Variants in APCDD1 observed in about 807,000 individuals in gnomAD.
APCDD1 encodes protein APCDD1.
APCDD1 carries 15 observed loss-of-function variants against 38.1 expected under a neutral mutation model. That is an observed-to-expected ratio of 0.39 (90% confidence interval 0.26 to 0.61). The LOEUF (loss-of-function observed/expected upper bound fraction) is 0.61. Ranked by LOEUF, APCDD1 falls within the 20% of genes least tolerant of loss-of-function variation. APCDD1 has a pLI of 0.49. For missense variants in APCDD1, 647 were observed against 696.2 expected (o/e 0.93, Z 0.79); for synonymous variants, 261 against 279.7 (o/e 0.93, Z 0.67).
chr18:10,460,401 C>T (rs897643119), intron 1 of APCDD1, among the ~76,000 whole-genome samples: 103 of 152,082 alleles, frequency 6.8e-4, no homozygotes, highest in African/African-American at 2.3e-3. Flanking sequence ...GGTGTGGTGG[C>T]GCATGCCTGT....
chr18:10,474,948 C>T (rs149048171), intron 3 of APCDD1, among the ~76,000 whole-genome samples: 30 of 152,340 alleles, frequency 2.0e-4, no homozygotes, highest in African/African-American at 3.8e-4. Flanking sequence ...ACTTCAGAAA[C>T]GGTAGCCAAT....
At position 10,462,449 on chromosome 18, in the gene APCDD1, TCCTC is replaced by T. The variant is rs1180789930; in HGVS notation, c.59-6002_59-5999del. On this transcript the variant is annotated intron_variant, in intron 1 of 4. Coordinates refer to ENST00000355285, the MANE Select transcript of APCDD1 (RefSeq NM_153000.5). ...TTTCCCCCTTGCTCCCTCTCTCCTTTCCTCCCTCCCTCCCTCCCTCCTTCCTTCC... is the reference window on the plus strand; with the variant it reads ...TTTCCCCCTTGCTCCCTCTCTCCTTTCCTCCCTCCCTCCCTCCTTCCTTCC... Among the ~76,000 whole-genome samples the T allele has an allele frequency of 2.5e-3, 138 of 55,924 alleles. 30 individuals are homozygous for T. Among genetic ancestry groups the T allele is most frequent in the African/African-American group, 4.0e-3 (44 of 10,934 alleles). 36.7% of individuals were successfully genotyped at this position (55,924 alleles called of 152,430 possible). A position where few individuals can be genotyped will look rare whatever the true frequency, so the allele number is the denominator to read the frequency against.
In APCDD1 at chr18:10,459,316, GCA is replaced by G. The variant is rs56849201; in HGVS notation, c.58+4300_58+4301del. Among the ~76,000 whole-genome samples the G allele has an allele frequency of 6.2e-3, 924 of 150,052 alleles. 2 individuals are homozygous for G. The highest frequency in any genetic ancestry group is 0.016 in the African/African-American group (653 of 40,878). On this transcript the variant is annotated intron_variant, in intron 1 of 4. Transcript: ENST00000355285. ...TCCCTGCTGGGAATCCCACAAGCGT[GCA>G]CACACACACACACACACACACAGAC...
At chr18:10,483,820 T>A (rs569710835) in intron 3 of APCDD1, among the ~76,000 whole-genome samples, 6 of 152,294 alleles carry the variant, frequency 3.9e-5, no homozygotes, top group African/African-American at 1.4e-4. Context: ...CACAGCCTGA[T>A]CCGATCGGCA....
At position 10,485,853 on chromosome 18, in the gene APCDD1, A is replaced by T; in HGVS notation, c.1096+70A>T. 5 of 1,534,090 alleles carry T rather than the reference A, an allele frequency of 3.3e-6. No individual in the cohort carries two copies. Among genetic ancestry groups the T allele is most frequent in the South Asian group, 1.2e-5 (1 of 86,906 alleles). On this transcript the variant is annotated intron_variant, in intron 4 of 4. Coordinates refer to ENST00000355285, the MANE Select transcript of APCDD1 (RefSeq NM_153000.5). The surrounding 1 kb of genome is among the most constrained non-coding windows in gnomAD (Gnocchi z 5.8). The stretch of plus-strand genomic sequence containing the variant: ...CCCTGTGACATTTTTGTGGAGGCAG[A>T]GCTGAGGGAAAGGACCTCTTTTCTG...
chr18:10,479,281 T>C (rs559312834), intron 3 of APCDD1, among the ~76,000 whole-genome samples: 1 of 152,342 alleles, frequency 6.6e-6, no homozygotes, highest in East Asian at 1.9e-4. Context: ...GTTTCCATCA[T>C]CTACTCCCAT....
At position 10,471,824 on chromosome 18, in the gene APCDD1, T is replaced by A. The variant is rs747745113; in HGVS notation, c.537T>A (p.Gly179=). ...GCCCGGGCTTCCTCGCAGACGGGGGTCCCTGGGTGCAGGACGTGGCCTATG... is the reference window on the plus strand; with the variant it reads ...GCCCGGGCTTCCTCGCAGACGGGGGACCCTGGGTGCAGGACGTGGCCTATG... ...RTCPGFLADG[G]PWVQDVAYDL... The change falls in exon 3 of 5, where the codon GGT becomes GGA. Residue 179 remains glycine (G), a synonymous_variant. Coordinates refer to ENST00000355285, the MANE Select transcript of APCDD1 (RefSeq NM_153000.5). This position sits in a 1 kb window ranked among gnomAD's most constrained non-coding sequence, Gnocchi z 5.5. 6.2e-7 allele frequency: 1 copy of A among 1,613,564 alleles called. No homozygotes were observed. The highest frequency in any genetic ancestry group is 1.1e-5 in the South Asian group (1 of 91,050).
At chr18:10,478,238 C>T (rs1007553980) in intron 3 of APCDD1, among the ~76,000 whole-genome samples, 31 of 152,224 alleles carry the variant, frequency 2.0e-4, no homozygotes, top group Non-Finnish European at 1.2e-4. Flanking sequence ...GTAACAGGCC[C>T]GAGGTGGCTG....
chr18:10,475,602 G>A lies in APCDD1; in HGVS notation c.774+3541G>A, dbSNP rs1040764921. ...GACAGAGACTTCACTTTTGGTACCT[G>A]TTGCATTTTGTGCTGTGATCTTCTA... is the stretch of plus-strand genomic sequence containing the variant. On this transcript the variant is annotated intron_variant, in intron 3 of 4. Transcript: ENST00000355285. This position sits in a 1 kb window ranked among gnomAD's most constrained non-coding sequence, Gnocchi z 4.0. Among the ~76,000 whole-genome samples, 1 of 151,680 alleles carries A rather than the reference G, an allele frequency of 6.6e-6. No individual in the cohort carries two copies. The highest frequency in any genetic ancestry group is 1.5e-5 in the Non-Finnish European group (1 of 67,952).
Position 10,454,939 on chromosome 18 carries a change from A to T in APCDD1, c.-43A>T. The stretch of plus-strand genomic sequence containing the variant: ...CGCGCGCCCAGTTGCCCGGGCACCA[A>T]ATCGGAGCGCGGCGTGCGGGAGGCC... On this transcript the variant is annotated 5_prime_UTR_variant, in exon 1 of 5. Transcript: ENST00000355285. 2 of 1,488,438 alleles carry T rather than the reference A, an allele frequency of 1.3e-6. No individual in the cohort carries two copies. The highest frequency in any genetic ancestry group is 1.8e-6 in the Non-Finnish European group (2 of 1,116,186). The allele number at this position is 1,488,438 out of a possible 1,614,324, so 92.2% of individuals were successfully genotyped here. A position where few individuals can be genotyped will look rare whatever the true frequency, so the allele number is the denominator to read the frequency against.
intron 1 of APCDD1, among the ~76,000 whole-genome samples, chr18:10,465,970 A>G (rs1198715908): frequency 2.6e-5 from 4 of 152,196 alleles, no homozygotes; most frequent in African/African-American, 9.6e-5. Context: ...TATTATCTTC[A>G]TGGGAAAATA....
chr18:10,471,859 G>C lies in APCDD1; in HGVS notation c.572G>C (p.Arg191Pro). 1 of 1,614,200 alleles carries C rather than the reference G, an allele frequency of 6.2e-7. No individual in the cohort carries two copies. Among genetic ancestry groups the C allele is most frequent in the Non-Finnish European group, 8.5e-7 (1 of 1,180,056 alleles). The change falls in exon 3 of 5, where the codon CGA becomes CCA. Residue 191 changes from arginine (R) to proline (P), a missense_variant. By Grantham distance (103) the Arg-to-Pro change is moderately radical (BLOSUM62 -2). Transcript: ENST00000355285. This position sits in a 1 kb window ranked among gnomAD's most constrained non-coding sequence, Gnocchi z 5.5. ...WVQDVAYDLW[R>P]EENGCECTKA... is the part of the protein sequence containing the mutation. ...CAGGACGTGGCCTATGACCTCTGGCGAGAGGAGAACGGCTGTGAGTGCACC... is the reference window on the plus strand; with the variant it reads ...CAGGACGTGGCCTATGACCTCTGGCCAGAGGAGAACGGCTGTGAGTGCACC...
At chr18:10,478,867 C>G (rs2031069621) in intron 3 of APCDD1, among the ~76,000 whole-genome samples, 1 of 152,164 alleles carries the variant, frequency 6.6e-6, no homozygotes, top group Non-Finnish European at 1.5e-5. Context: ...TCACAAGCTC[C>G]TAGAATCCCA....
chr18:10,476,156 C>G lies in APCDD1; in HGVS notation c.774+4095C>G, dbSNP rs2030996213. On this transcript the variant is annotated intron_variant, in intron 3 of 4. Coordinates refer to ENST00000355285, the MANE Select transcript of APCDD1 (RefSeq NM_153000.5). This position sits in a 1 kb window ranked among gnomAD's most constrained non-coding sequence, Gnocchi z 5.8. Reference sequence around the variant, plus strand: ...CCTCCTCCTTTGAACTCTTCTACTTCCCTAATTGCTGGTCCATAGAGACCA... The same window carrying G: ...CCTCCTCCTTTGAACTCTTCTACTTGCCTAATTGCTGGTCCATAGAGACCA... 6.6e-6 allele frequency: 1 copy of G among 152,222 alleles called. No homozygotes were observed. Among genetic ancestry groups the G allele is most frequent in the South Asian group, 2.1e-4 (1 of 4,836 alleles). The allele number at this position is 152,222 out of a possible 1,614,324, so 9.4% of individuals were successfully genotyped here.
chr18:10,480,623 G>C (rs1001412783), intron 3 of APCDD1, among the ~76,000 whole-genome samples: 3 of 152,122 alleles, frequency 2.0e-5, no homozygotes, highest in Non-Finnish European at 4.4e-5. Flanking sequence ...CACTTGGGGA[G>C]GCTGAGGCAG....
chr18:10,460,886 C>T (rs1264575943), intron 1 of APCDD1, among the ~76,000 whole-genome samples: 2 of 152,170 alleles, frequency 1.3e-5, no homozygotes, highest in African/African-American at 4.8e-5. Context: ...GGAAACTATG[C>T]CAAGGACTGC....
chr18:10,455,126 C>G, intron 1 of APCDD1, 87 bp downstream of exon 1: 1 of 1,533,186 alleles, frequency 6.5e-7, no homozygotes, highest in Non-Finnish European at 8.8e-7. Context: ...GGGTCTGGAT[C>G]GCGGCACGGC....
At chr18:10,456,663 A>T (rs893515660) in intron 1 of APCDD1, among the ~76,000 whole-genome samples, 1 of 152,162 alleles carries the variant, frequency 6.6e-6, no homozygotes, top group African/African-American at 2.4e-5. Context: ...CTATTTTGAG[A>T]GGTAGGGGTT....
chr18:10,487,377 C>T (rs866999991), intron 4 of APCDD1, among the ~76,000 whole-genome samples: 1 of 152,194 alleles, frequency 6.6e-6, no homozygotes, highest in Non-Finnish European at 1.5e-5. Flanking sequence ...TGCAGCATAT[C>T]GGTGTGACTG....
Sources: gnomAD v4.1 joint callset for allele counts (sites outside exome capture counted in the v4.1 genomes callset) on GRCh38, gnomAD v4.1.1 for gene constraint, Gnocchi (gnomAD v3.1) non-coding constraint, MANE v1.5 for transcripts, NCBI Gene and HGNC (gene_info 2026-07-23, HGNC 2026-07-21) for gene names.